Variants in EXD1 observed in about 807,000 individuals in gnomAD.
EXD1 encodes the protein exonuclease 3'-5' domain containing 1, also known as piRNA biogenesis protein EXD1.
In EXD1, 63 loss-of-function variants were observed where a neutral mutation model predicts 49.1. The ratio of observed to expected loss-of-function variants is 1.28; its 90% confidence interval spans 1.05 to 1.58. EXD1 has a LOEUF of 1.58. Among genes scored for constraint, EXD1 ranks in the 40% most tolerant of loss-of-function variants. The pLI, the probability that EXD1 is intolerant of heterozygous loss-of-function variation, is 0.00. For missense variants in EXD1, 748 were observed against 666.0 expected, an observed-to-expected ratio of 1.12 and a Z score of -1.36; for synonymous variants, 234 against 239.2, an observed-to-expected ratio of 0.98 and a Z score of 0.20.
chr15:41,187,074 T>G (rs940699998), intron 11 of EXD1, among the ~76,000 whole-genome samples: 16 of 148,232 alleles, frequency 1.1e-4, no homozygotes, highest in African/African-American at 3.8e-4. Flanking sequence ...AGTAGAGATA[T>G]GGTTTCTCTA....
intron 6 of EXD1, among the ~76,000 whole-genome samples, chr15:41,212,135 T>A (rs533901450): frequency 1.3e-5 from 2 of 151,512 alleles, no homozygotes; most frequent in East Asian, 2.0e-4. Context: ...AAATTACAGA[T>A]AAGTGTTGGC....
At chr15:41,199,256 A>AT (rs1203236404) in intron 7 of EXD1, among the ~76,000 whole-genome samples, 1 of 151,008 alleles carries the variant, frequency 6.6e-6, no homozygotes, top group South Asian at 2.1e-4. Context: ...CTGGCCAAAA[A>AT]TTTTTTTTTA....
intron 1 of EXD1, among the ~76,000 whole-genome samples, chr15:41,226,907 C>T (rs1345069932): frequency 6.6e-6 from 1 of 152,020 alleles, no homozygotes; most frequent in Non-Finnish European, 1.5e-5. Flanking sequence ...AGAAGCAGAA[C>T]ATTTAGAGGC....
At position 41,223,775 on chromosome 15, in the gene EXD1, G is replaced by C. The variant is rs538394108; in HGVS notation, c.133+2668C>G. On this transcript the variant is annotated intron_variant, in intron 2 of 11. Transcript: ENST00000458580. Reference sequence around the variant, plus strand: ...AGCTACTTGGGAGTCTGAGGCAGGAGAATGGCTTGAACCCGGGAGGCAAAG... The same window carrying C: ...AGCTACTTGGGAGTCTGAGGCAGGACAATGGCTTGAACCCGGGAGGCAAAG... Among the ~76,000 whole-genome samples the C allele has an allele frequency of 1.1e-3, 161 of 151,454 alleles. 1 individual carries two copies. Among genetic ancestry groups the C allele is most frequent in the African/African-American group, 3.5e-3 (146 of 41,276 alleles).
At chr15:41,208,470 T>C (rs567273265) in intron 7 of EXD1, among the ~76,000 whole-genome samples, 1 of 151,814 alleles carries the variant, frequency 6.6e-6, no homozygotes, top group East Asian at 1.9e-4. Context: ...TAAAAAATAT[T>C]GGCCAGGGGT....
Position 41,196,033 on chromosome 15 carries a change from G to C in EXD1, c.539C>G (p.Ala180Gly), listed in dbSNP as rs139947718. The C allele has an allele frequency of 6.0e-3, 9,687 of 1,611,628 alleles. 42 individuals are homozygous for C. The highest frequency in any genetic ancestry group is 7.2e-3 in the Non-Finnish European group (8,494 of 1,178,960). ...RHGKLCWLQV[A>G]TNCRVYLFDI... is the part of the protein sequence containing the mutation. ...AAATAAGTAAACTCGGCAATTTGTG[G>C]CCACCTACAATAGACCATCCAGACA... Residue 180 changes from alanine to glycine, a missense_variant, in exon 8 of 12, where the codon GCC becomes GGC. By Grantham distance (60) the Ala-to-Gly change is moderately conservative (BLOSUM62 0). Coordinates refer to ENST00000458580, the MANE Select transcript of EXD1 (RefSeq NM_001286441.2).
At chr15:41,227,923 A>C (rs1483397444) in intron 1 of EXD1, among the ~76,000 whole-genome samples, 1 of 151,216 alleles carries the variant, frequency 6.6e-6, no homozygotes, top group Non-Finnish European at 1.5e-5. Flanking sequence ...AGTGACGCAC[A>C]CCTGTAATCC....
intron 9 of EXD1, among the ~76,000 whole-genome samples, chr15:41,195,495 A>T (rs2046594545): frequency 6.6e-6 from 1 of 152,152 alleles, no homozygotes; most frequent in African/African-American, 2.4e-5. Context: ...AAGTTTCTGA[A>T]TGCTATGGAG....
chr15:41,190,208 C>A (rs2046488443), intron 10 of EXD1, 80 bp from the exon 11 acceptor site: 2 of 1,453,586 alleles, frequency 1.4e-6, no homozygotes, highest in Non-Finnish European at 1.9e-6. Flanking sequence ...GGCACAGTGG[C>A]TCATGCCTGT....
Position 41,184,426 on chromosome 15 carries a change from T to A in EXD1, c.1224A>T (p.Lys408Asn). ...LVTETAGKEEKVKGFLFGKNF... is the reference protein window; with the variant it reads ...LVTETAGKEENVKGFLFGKNF... Reference sequence around the variant, plus strand: ...TTTTACCAAATAAGAAGCCTTTGACTTTCTCCTCTTTCCCTGCTGTCTCTG... The same window carrying A: ...TTTTACCAAATAAGAAGCCTTTGACATTCTCCTCTTTCCCTGCTGTCTCTG... The change falls in exon 12 of 12, where the codon AAA becomes AAT. Residue 408 changes from lysine to asparagine, a missense_variant. Physicochemically the swap from Lys to Asn is moderately conservative, Grantham distance 94. Transcript: ENST00000458580. 1 of 1,614,160 alleles carries A rather than the reference T, an allele frequency of 6.2e-7. No homozygotes were observed. Among genetic ancestry groups the A allele is most frequent in the Non-Finnish European group, 8.5e-7 (1 of 1,180,038 alleles).
At chr15:41,212,235 G>C (rs952810940) in intron 6 of EXD1, among the ~76,000 whole-genome samples, 2 of 151,958 alleles carry the variant, frequency 1.3e-5, no homozygotes, top group East Asian at 3.9e-4. Context: ...AGATCACGAG[G>C]TAAGGAGATC....
At chr15:41,230,364 T>G in intron 1 of EXD1, 115 bp downstream of exon 1, 21 of 1,111,600 alleles carry the variant, frequency 1.9e-5, no homozygotes, top group Non-Finnish European at 2.3e-5. Flanking sequence ...ATTACAGGCG[T>G]GAGCCACCGT....
At chr15:41,216,329 G>T (rs1015066106) in intron 5 of EXD1, among the ~76,000 whole-genome samples, 25 of 148,552 alleles carry the variant, frequency 1.7e-4, no homozygotes, top group Admixed American at 3.3e-4. Flanking sequence ...GAGAGAGAGA[G>T]CCTAGAAAAT....
At chr15:41,205,080 C>T (rs936525029) in intron 7 of EXD1, among the ~76,000 whole-genome samples, 3 of 152,282 alleles carry the variant, frequency 2.0e-5, no homozygotes, top group East Asian at 1.9e-4. Context: ...GACAATTACC[C>T]GTGTATCTTT....
intron 2 of EXD1, among the ~76,000 whole-genome samples, chr15:41,220,946 G>A (rs1374431727): frequency 2.0e-5 from 3 of 151,980 alleles, no homozygotes; most frequent in African/African-American, 7.3e-5. Context: ...GGCCTCAAGT[G>A]ATCCTCCCAC....
chr15:41,196,549 C>CTCA, intron 7 of EXD1, among the ~76,000 whole-genome samples: 1 of 152,018 alleles, frequency 6.6e-6, no homozygotes, highest in Non-Finnish European at 1.5e-5. Flanking sequence ...ATCTCTTGAC[C>CTCA]TCATGATCCA....
Position 41,230,569 on chromosome 15 carries a change from TGC to T in EXD1, c.-146_-145del. Reference sequence around the variant, plus strand: ...CTGGATCCTAATTTCAGCCAAGTGGTGCGTTCCTCGAACTTCAGTCTAGAACT... The same window carrying T: ...CTGGATCCTAATTTCAGCCAAGTGGTGTTCCTCGAACTTCAGTCTAGAACT... On this transcript the variant is annotated 5_prime_UTR_variant, in exon 1 of 12. Transcript: ENST00000458580. The T allele has an allele frequency of 1.2e-6, 2 of 1,613,598 alleles. No individual in the cohort carries two copies. The highest frequency in any genetic ancestry group is 1.7e-6 in the Non-Finnish European group (2 of 1,179,626).
At chr15:41,229,636 C>T (rs10152855) in intron 1 of EXD1, among the ~76,000 whole-genome samples, 44,130 of 151,942 alleles carry the variant, frequency 0.29, 8,964 homozygotes, top group African/African-American at 0.57. Context: ...GACACGGTGG[C>T]GCATGCCTGT....
intron 6 of EXD1, among the ~76,000 whole-genome samples, chr15:41,211,182 G>C (rs1455393236): frequency 3.3e-5 from 5 of 152,046 alleles, no homozygotes; most frequent in Non-Finnish European, 7.4e-5. Flanking sequence ...TCCTACTTTA[G>C]CTTCCTGCAG....
Sources: gnomAD v4.1 joint callset for allele counts (sites outside exome capture counted in the v4.1 genomes callset) on GRCh38, gnomAD v4.1.1 for gene constraint, MANE v1.5 for transcripts, NCBI Gene and HGNC (gene_info 2026-07-23, HGNC 2026-07-21) for gene names.